Variants in TNFSF4 observed in about 807,000 individuals in gnomAD.
The protein encoded by TNFSF4 is tumor necrosis factor ligand superfamily member 4.
A neutral mutation model predicts 7.3 loss-of-function variants in TNFSF4; 4 were observed. The observed-to-expected ratio is 0.55, with a 90% CI of 0.27 to 1.25. The LOEUF is 1.25. Among genes scored for constraint, TNFSF4 ranks in the 50% most tolerant of loss-of-function variants. TNFSF4 has a pLI of 0.12. For missense variants in TNFSF4, 181 were observed against 208.8 expected, an observed-to-expected ratio of 0.87 and a Z score of 0.82; for synonymous variants, 76 against 83.7, an observed-to-expected ratio of 0.91 and a Z score of 0.50.
the TNFSF4 span, among the ~76,000 whole-genome samples, chr1:173,234,792 C>T: frequency 3.3e-5 from 5 of 151,722 alleles, no homozygotes; most frequent in African/African-American, 9.7e-5. Flanking sequence ...CGGGGCCTGT[C>T]GTGGGGTGGA....
chr1:173,245,254 T>C, the TNFSF4 span, among the ~76,000 whole-genome samples: 2 of 152,232 alleles, frequency 1.3e-5, no homozygotes, highest in Non-Finnish European at 1.5e-5. Flanking sequence ...AAGATACTCA[T>C]CTGTGGTTTT....
chr1:173,385,159 T>C, the TNFSF4 span, among the ~76,000 whole-genome samples: 2 of 152,334 alleles, frequency 1.3e-5, no homozygotes, highest in South Asian at 2.1e-4. Flanking sequence ...ATTCAAACAA[T>C]GAATTTTATT....
the TNFSF4 span, among the ~76,000 whole-genome samples, chr1:173,248,537 GA>G: frequency 6.6e-6 from 1 of 151,004 alleles, no homozygotes. Flanking sequence ...AAGGAGAAAA[GA>G]AAAGAAAATT....
At chr1:173,328,925 G>A in the TNFSF4 span, among the ~76,000 whole-genome samples, 10,565 of 152,098 alleles carry the variant, frequency 0.069, 420 homozygotes, top group Admixed American at 0.095. Context: ...CACCACACGT[G>A]GAAAGCCATT....
the TNFSF4 span, among the ~76,000 whole-genome samples, chr1:173,241,877 G>A: frequency 3.3e-5 from 5 of 152,196 alleles, no homozygotes; most frequent in East Asian, 5.8e-4. Flanking sequence ...AGCTGGTCTG[G>A]CTGATACGGG....
At chr1:173,223,193 T>C in the TNFSF4 span, among the ~76,000 whole-genome samples, 3 of 151,996 alleles carry the variant, frequency 2.0e-5, no homozygotes, top group Admixed American at 6.5e-5. Context: ...TGACTGTAAC[T>C]AGTACCTCAA....
At chr1:173,287,176 G>C in the TNFSF4 span, among the ~76,000 whole-genome samples, 1 of 151,822 alleles carries the variant, frequency 6.6e-6, no homozygotes, top group Admixed American at 6.6e-5. Flanking sequence ...CAAAAAAAAA[G>C]AATGTTTAAT....
chr1:173,323,643 T>C, the TNFSF4 span, among the ~76,000 whole-genome samples: 2 of 151,986 alleles, frequency 1.3e-5, no homozygotes, highest in Non-Finnish European at 2.9e-5. Context: ...ATAACTAGAA[T>C]AACCAATGAG....
chr1:173,316,030 C>T, the TNFSF4 span, among the ~76,000 whole-genome samples: 6 of 152,104 alleles, frequency 3.9e-5, no homozygotes, highest in Non-Finnish European at 5.9e-5. Context: ...TTAGGTCCTG[C>T]ATTTAAGACT....
the TNFSF4 span, among the ~76,000 whole-genome samples, chr1:173,314,338 C>T: frequency 6.6e-6 from 1 of 152,196 alleles, no homozygotes; most frequent in East Asian, 1.9e-4. Flanking sequence ...CTATTTTACA[C>T]CATTCTTCCC....
the TNFSF4 span, among the ~76,000 whole-genome samples, chr1:173,310,036 C>A: frequency 6.6e-6 from 1 of 151,842 alleles, no homozygotes; most frequent in Non-Finnish European, 1.5e-5. Context: ...CTTTTTCCTT[C>A]CAATATTGAA....
chr1:173,330,916 C>G, the TNFSF4 span, among the ~76,000 whole-genome samples: 107 of 146,588 alleles, frequency 7.3e-4, no homozygotes, highest in African/African-American at 2.7e-3. Context: ...CAGAGTTTCG[C>G]TCTTGTTGCC....
chr1:173,432,222 C>T, the TNFSF4 span, among the ~76,000 whole-genome samples: 1 of 152,206 alleles, frequency 6.6e-6, no homozygotes, highest in East Asian at 1.9e-4. Context: ...GACCAGCTCA[C>T]AGCCACCCGA....
At chr1:173,441,111 C>A in the TNFSF4 span, among the ~76,000 whole-genome samples, 2 of 152,246 alleles carry the variant, frequency 1.3e-5, no homozygotes, top group East Asian at 1.9e-4. Flanking sequence ...CCAAGGAAAC[C>A]AAAACAGTTC....
At chr1:173,365,694 C>A in the TNFSF4 span, among the ~76,000 whole-genome samples, 19 of 152,216 alleles carry the variant, frequency 1.2e-4, no homozygotes, top group Admixed American at 5.2e-4. Context: ...TAATTAATTT[C>A]TCTTAATTTA....
At chr1:173,191,507 A>G (rs1021178173) in intron 1 of TNFSF4, among the ~76,000 whole-genome samples, 1 of 152,128 alleles carries the variant, frequency 6.6e-6, no homozygotes, top group Non-Finnish European at 1.5e-5. Flanking sequence ...CAGTGCCCAG[A>G]GACACCCCCA....
chr1:173,361,339 CT>C, the TNFSF4 span, among the ~76,000 whole-genome samples: 1 of 152,194 alleles, frequency 6.6e-6, no homozygotes, highest in Non-Finnish European at 1.5e-5. Context: ...TGAGCCACCC[CT>C]CTTCATAAGT....
the TNFSF4 span, among the ~76,000 whole-genome samples, chr1:173,373,832 T>G: frequency 6.6e-6 from 1 of 152,192 alleles, no homozygotes; most frequent in Non-Finnish European, 1.5e-5. Flanking sequence ...CAGAGAAGGC[T>G]CAGGAAGTAG....
the TNFSF4 span, among the ~76,000 whole-genome samples, chr1:173,338,070 C>T: frequency 6.6e-6 from 1 of 152,166 alleles, no homozygotes; most frequent in Non-Finnish European, 1.5e-5. Flanking sequence ...ACATGAACTT[C>T]TGCTCACCAA....
Sources: gnomAD v4.1 joint callset for allele counts (sites outside exome capture counted in the v4.1 genomes callset) on GRCh38, gnomAD v4.1.1 for gene constraint, MANE v1.5 for transcripts, NCBI Gene and HGNC (gene_info 2026-07-23, HGNC 2026-07-21) for gene names.